The following UBE2K variants were observed in gnomAD, a reference collection of about 807,000 sequenced individuals.
UBE2K encodes ubiquitin conjugating enzyme E2 K, also known as ubiquitin-conjugating enzyme E2 K.
UBE2K carries 6 observed loss-of-function variants against 30.0 expected under a neutral mutation model. The observed-to-expected ratio is 0.20, with a 90% CI of 0.11 to 0.39. The LOEUF (loss-of-function observed/expected upper bound fraction) is 0.39. Ranked by LOEUF, UBE2K falls within the 10% of genes least tolerant of loss-of-function variation. The pLI, the probability that UBE2K is intolerant of heterozygous loss-of-function variation, is 1.00. For synonymous variants in UBE2K, 86 were observed against 83.7 expected, an observed-to-expected ratio of 1.03 and a Z score of -0.15; for missense variants, 61 against 241.6, an observed-to-expected ratio of 0.25 and a Z score of 4.96.
intron 1 of UBE2K, among the ~76,000 whole-genome samples, chr4:39,729,007 C>T (rs116622360): frequency 0.011 from 1,626 of 146,752 alleles, 36 homozygotes; most frequent in African/African-American, 0.038. Context: ...CTTACTTTGT[C>T]GCCCAAGCTG....
At chr4:39,717,758 G>T (rs913694321) in intron 1 of UBE2K, among the ~76,000 whole-genome samples, 1 of 152,108 alleles carries the variant, frequency 6.6e-6, no homozygotes, top group African/African-American at 2.4e-5. Flanking sequence ...AAGGCGGCGT[G>T]TCCGGAGTTT....
At chr4:39,739,636 G>A (rs1295125100) in intron 2 of UBE2K, among the ~76,000 whole-genome samples, 2 of 151,702 alleles carry the variant, frequency 1.3e-5, no homozygotes, top group Admixed American at 6.6e-5. Context: ...TAGTAGAGGC[G>A]GGGTTTCACC....
intron 1 of UBE2K, among the ~76,000 whole-genome samples, chr4:39,712,662 C>T (rs913560894): frequency 3.9e-5 from 6 of 151,912 alleles, no homozygotes; most frequent in African/African-American, 1.4e-4. Context: ...CCTTGTGATT[C>T]GCCCACCTCG....
intron 1 of UBE2K, among the ~76,000 whole-genome samples, chr4:39,703,932 A>C (rs1718181288): frequency 6.6e-6 from 1 of 152,004 alleles, no homozygotes; most frequent in African/African-American, 2.4e-5. Context: ...GGACACAGAC[A>C]GTAAAGACAA....
At chr4:39,771,358 C>A in intron 4 of UBE2K, 1 of 1,612,710 alleles carries the variant, frequency 6.2e-7, no homozygotes, top group Non-Finnish European at 8.5e-7. Context: ...CTCCTCTGCC[C>A]GGAGCTTGTT....
Position 39,781,580 on chromosome 4 carries a change from T to A in UBE2K, c.*3146T>A. ...AAACTGTGCAGTAGGTGTATGGTAA[T>A]GTTTTACAATCCTATGTAGCAAAAT... On this transcript the variant is annotated 3_prime_UTR_variant, in exon 7 of 7. Coordinates refer to ENST00000261427, the MANE Select transcript of UBE2K (RefSeq NM_005339.5). 1 of 194,202 alleles carries A rather than the reference T, an allele frequency of 5.1e-6. No individual in the cohort carries two copies. The highest frequency in any genetic ancestry group is 1.0e-5 in the Non-Finnish European group (1 of 95,926). 12.0% of individuals were successfully genotyped at this position (194,202 alleles called of 1,614,324 possible).
rs755248895 is a variant in UBE2K, at chr4:39,770,339, G to A, written c.300-4495G>A. 34 of 1,613,486 alleles carry A rather than the reference G, an allele frequency of 2.1e-5. No homozygotes were observed. In the Middle Eastern group the frequency reaches 3.2e-3, roughly 152 times the overall value. On this transcript the variant is annotated intron_variant, in intron 4 of 6. Transcript: ENST00000261427. ...CACGATGCACGTTCCTGTGGTGGTT[G>A]AGGTTGTTGCTGTGGTTGAACTCCT...
At chr4:39,713,375 G>T (rs1160543230) in intron 1 of UBE2K, among the ~76,000 whole-genome samples, 1 of 123,386 alleles carries the variant, frequency 8.1e-6, no homozygotes, top group Non-Finnish European at 1.6e-5. Context: ...TAGCCAGGCT[G>T]GTCTCTTCCT....
intron 1 of UBE2K, among the ~76,000 whole-genome samples, chr4:39,732,531 C>T (rs1320101804): frequency 6.6e-6 from 1 of 151,480 alleles, no homozygotes; most frequent in Non-Finnish European, 1.5e-5. Context: ...GCTTTGAGTT[C>T]TTCACTGTTG....
At chr4:39,772,929 TGC>T (rs1712998735) in intron 4 of UBE2K, among the ~76,000 whole-genome samples, 1 of 151,634 alleles carries the variant, frequency 6.6e-6, no homozygotes, top group South Asian at 2.1e-4. Context: ...CTCAGATGAT[TGC>T]CCGCCCTGGC....
chr4:39,741,930 T>G (rs1184699507), intron 2 of UBE2K, among the ~76,000 whole-genome samples: 1 of 152,136 alleles, frequency 6.6e-6, no homozygotes, highest in African/African-American at 2.4e-5. Flanking sequence ...ATGAATAATA[T>G]AGTTATCATA....
At chr4:39,763,844 G>T (rs1712134854) in intron 4 of UBE2K, among the ~76,000 whole-genome samples, 1 of 151,960 alleles carries the variant, frequency 6.6e-6, no homozygotes, top group Non-Finnish European at 1.5e-5. Flanking sequence ...GGCTCAATTG[G>T]TCTTCCCACC....
intron 1 of UBE2K, among the ~76,000 whole-genome samples, chr4:39,705,043 T>G (rs1718262191): frequency 6.7e-6 from 1 of 149,912 alleles, no homozygotes; most frequent in African/African-American, 2.4e-5. Flanking sequence ...GCTAATGTTT[T>G]TTTTTGTTTT....
At chr4:39,752,645 A>G (rs1347711574) in intron 3 of UBE2K, among the ~76,000 whole-genome samples, 1 of 152,054 alleles carries the variant, frequency 6.6e-6, no homozygotes, top group Non-Finnish European at 1.5e-5. Flanking sequence ...CACCATTTTA[A>G]AGTTATAAAA....
intron 1 of UBE2K, among the ~76,000 whole-genome samples, chr4:39,700,812 C>A (rs142391542): frequency 6.6e-6 from 1 of 152,092 alleles, no homozygotes; most frequent in East Asian, 1.9e-4. Flanking sequence ...AGATAGCTGA[C>A]GCTTACTGGA....
intron 3 of UBE2K, among the ~76,000 whole-genome samples, chr4:39,749,965 G>A (rs922014342): frequency 6.6e-6 from 1 of 152,178 alleles, no homozygotes; most frequent in African/African-American, 2.4e-5. Context: ...CTGGGAGGCC[G>A]AGGTGGGTGG....
At chr4:39,773,195 C>T (rs767177070) in intron 4 of UBE2K, among the ~76,000 whole-genome samples, 64 of 151,990 alleles carry the variant, frequency 4.2e-4, no homozygotes, top group Admixed American at 2.1e-3. Context: ...TATGGCCGGG[C>T]GCGGTGGCTC....
chr4:39,712,223 A>G (rs186106180), intron 1 of UBE2K, among the ~76,000 whole-genome samples: 1,308 of 93,108 alleles, frequency 0.014, 34 homozygotes, highest in African/African-American at 0.056. Context: ...TTTTTTTGAG[A>G]CCGAGTCTCG....
chr4:39,747,226 A>G (rs1721028218), intron 3 of UBE2K, among the ~76,000 whole-genome samples: 1 of 152,192 alleles, frequency 6.6e-6, no homozygotes. Flanking sequence ...TTACCATTGT[A>G]ATCATTTTTA....
Sources: allele counts gnomAD v4.1 joint callset (sites outside exome capture counted in the v4.1 genomes callset), GRCh38; gene constraint gnomAD v4.1.1; transcripts MANE v1.5; gene names NCBI Gene and HGNC (gene_info 2026-07-23, HGNC 2026-07-21).